EVC2: variants seen among roughly 807,000 people sequenced by gnomAD.
EVC2 encodes limbin.
In EVC2, 148 loss-of-function variants were observed where a neutral mutation model predicts 149.3. That is an observed-to-expected ratio of 0.99 (90% confidence interval 0.87 to 1.14). EVC2 has a LOEUF of 1.14. EVC2 is among the 50% of genes most tolerant of loss of function. EVC2 has a pLI of 0.00. For missense variants in EVC2, 1,854 were observed against 1,627.3 expected, an observed-to-expected ratio of 1.14 and a Z score of -2.40; for synonymous variants, 776 against 649.9, an observed-to-expected ratio of 1.19 and a Z score of -2.95.
At chr4:5,623,347 AT>A (rs903870064) in intron 13 of EVC2, among the ~76,000 whole-genome samples, 9 of 143,524 alleles carry the variant, frequency 6.3e-5, no homozygotes, top group South Asian at 2.2e-4. Context: ...TATTTTTTTT[AT>A]TTTTTTTTTG....
At chr4:5,539,288 T>G (rs979020230), downstream of EVC2, among the ~76,000 whole-genome samples, 16 of 152,262 alleles carry the variant, frequency 1.1e-4, no homozygotes, top group African/African-American at 3.6e-4. Flanking sequence ...TTTTAAACAT[T>G]TAAGTAAATG....
chr4:5,586,019 A>G (rs911926856), intron 16 of EVC2, among the ~76,000 whole-genome samples: 1 of 151,742 alleles, frequency 6.6e-6, no homozygotes, highest in African/African-American at 2.4e-5. Context: ...GCACCACCAC[A>G]CCCAGCTAAT....
chr4:5,640,417 A>G lies in EVC2; in HGVS notation c.1470+97T>C, dbSNP rs1444345898. Reference sequence around the variant, plus strand: ...GGTTGGATGGATGATGGGTAGACGGATGGAGGAGGCAAATGGACAGATGAG... The same window carrying G: ...GGTTGGATGGATGATGGGTAGACGGGTGGAGGAGGCAAATGGACAGATGAG... On this transcript the variant is annotated intron_variant, in intron 10 of 21. Coordinates refer to ENST00000344408, the MANE Select transcript of EVC2 (RefSeq NM_147127.5). The surrounding 1 kb of genome is among the most constrained non-coding windows in gnomAD (Gnocchi z 4.6). 101 of 1,420,242 alleles carry G rather than the reference A, an allele frequency of 7.1e-5. No individual in the cohort carries two copies. The East Asian group carries it at 2.3e-3, about 32-fold the overall frequency. 88.0% of individuals were successfully genotyped at this position (1,420,242 alleles called of 1,614,324 possible). A position where few individuals can be genotyped will look rare whatever the true frequency, so the allele number is the denominator to read the frequency against.
intron 17 of EVC2, among the ~76,000 whole-genome samples, chr4:5,577,382 A>T (rs1722996185): frequency 6.6e-6 from 1 of 152,172 alleles, no homozygotes; most frequent in African/African-American, 2.4e-5. Flanking sequence ...GGGCGGAGGC[A>T]GGAGGGCCCC....
At chr4:5,601,641 G>T (rs2108811444) in intron 16 of EVC2, among the ~76,000 whole-genome samples, 1 of 152,248 alleles carries the variant, frequency 6.6e-6, no homozygotes, top group African/African-American at 2.4e-5. Flanking sequence ...CAGACTTCTA[G>T]ATTGGTCAAA....
intron 17 of EVC2, 47 bp downstream of exon 17, chr4:5,584,575 AG>A: frequency 6.4e-7 from 1 of 1,572,044 alleles, no homozygotes; most frequent in Non-Finnish European, 8.7e-7. Flanking sequence ...GGTAGGTACC[AG>A]AAAGACCCAG....
exon 23 of EVC2, chr4:5,542,866 A>G (rs1255231978): frequency 3.2e-6 from 1 of 309,344 alleles, no homozygotes; most frequent in African/African-American, 2.2e-5. Context: ...GCTCATAGGA[A>G]CAACAGCAGC....
chr4:5,547,792 G>A (rs1236215111), intron 21 of EVC2, among the ~76,000 whole-genome samples: 1 of 152,176 alleles, frequency 6.6e-6, no homozygotes, highest in African/African-American at 2.4e-5. Flanking sequence ...CACAAACAGG[G>A]CTGAAACATA....
intron 17 of EVC2, among the ~76,000 whole-genome samples, chr4:5,578,457 G>A (rs1231462753): frequency 2.6e-5 from 4 of 152,154 alleles, no homozygotes; most frequent in Admixed American, 1.3e-4. Flanking sequence ...TATGTATAAG[G>A]TAACTGAGGC....
At position 5,706,166 on chromosome 4, in the gene EVC2, T is replaced by C. The variant is rs560487343; in HGVS notation, c.228+2120A>G. Among the ~76,000 whole-genome samples the C allele has an allele frequency of 1.6e-4, 25 of 151,994 alleles. 1 individual carries two copies. The East Asian group carries it at 4.9e-3, about 30-fold the overall frequency. The stretch of plus-strand genomic sequence containing the variant: ...GTCTTGACTGACCTTCCAGACTAAA[T>C]GACCTCCTTCCTCCACCCTCTCTCA... On this transcript the variant is annotated intron_variant, in intron 1 of 21. Coordinates refer to ENST00000344408, the MANE Select transcript of EVC2 (RefSeq NM_147127.5).
At chr4:5,627,154 C>A (rs1307035461) in intron 12 of EVC2, among the ~76,000 whole-genome samples, 1 of 152,324 alleles carries the variant, frequency 6.6e-6, no homozygotes, top group African/African-American at 2.4e-5. Context: ...AGACTGCCTG[C>A]ATCCCTGGGC....
intron 16 of EVC2, among the ~76,000 whole-genome samples, chr4:5,594,462 G>T (rs1382849386): frequency 6.6e-6 from 1 of 152,192 alleles, no homozygotes; most frequent in African/African-American, 2.4e-5. Flanking sequence ...CAGGTAAACA[G>T]CGTCTGGAGT....
At chr4:5,675,676 G>A (rs1156295707) in intron 7 of EVC2, among the ~76,000 whole-genome samples, 1 of 152,106 alleles carries the variant, frequency 6.6e-6, no homozygotes, top group Non-Finnish European at 1.5e-5. Flanking sequence ...TGGGTGCGGT[G>A]GCTCATGCCT....
chr4:5,608,236 T>C (rs1714551163), intron 16 of EVC2, among the ~76,000 whole-genome samples: 1 of 152,138 alleles, frequency 6.6e-6, no homozygotes, highest in South Asian at 2.1e-4. Context: ...ACCCAGCAGG[T>C]ACTCCCAGTC....
chr4:5,580,798 A>ATATGGTTTGG (rs57212531), intron 17 of EVC2, among the ~76,000 whole-genome samples: 151,896 of 152,260 alleles, frequency 1, 75,766 homozygotes, highest in Middle Eastern at 1. Context: ...TTAAAGACTG[A>ATATGGTTTGG]ATTTGTCATG....
chr4:5,595,910 G>C (rs1197072175), intron 16 of EVC2, among the ~76,000 whole-genome samples: 1 of 152,140 alleles, frequency 6.6e-6, no homozygotes, highest in East Asian at 1.9e-4. Flanking sequence ...AAAGGCAGGG[G>C]TTGCAATCCT....
chr4:5,618,391 A>C lies in EVC2; in HGVS notation c.2706+87T>G. ...GGGGAGCATGAGGTGAGATGGGCTCAGGCTGGGGAAGAGGCCAGACCCTGT... is the reference window on the plus strand; with the variant it reads ...GGGGAGCATGAGGTGAGATGGGCTCCGGCTGGGGAAGAGGCCAGACCCTGT... On this transcript the variant is annotated intron_variant, in intron 15 of 21. Transcript: ENST00000344408. This position sits in a 1 kb window ranked among gnomAD's most constrained non-coding sequence, Gnocchi z 4.4. 6.7e-7 allele frequency: 1 copy of C among 1,483,590 alleles called. No homozygotes were observed. 91.9% of individuals were successfully genotyped at this position (1,483,590 alleles called of 1,614,324 possible). A position where few individuals can be genotyped will look rare whatever the true frequency, so the allele number is the denominator to read the frequency against.
downstream of EVC2, among the ~76,000 whole-genome samples, chr4:5,560,031 C>T (rs565651051): frequency 6.6e-5 from 10 of 152,108 alleles, no homozygotes; most frequent in East Asian, 7.7e-4. The surrounding 1 kb of genome is among the most constrained non-coding windows in gnomAD (Gnocchi z 4.1). Flanking sequence ...GCAGGATTTT[C>T]GTATGTGCGT....
downstream of EVC2, among the ~76,000 whole-genome samples, chr4:5,539,133 A>G (rs1160437002): frequency 3.9e-5 from 6 of 152,174 alleles, no homozygotes; most frequent in African/African-American, 1.4e-4. Flanking sequence ...ACAAAAATCA[A>G]TTGGATTTCT....
Sources: gnomAD v4.1 joint callset for allele counts (sites outside exome capture counted in the v4.1 genomes callset) on GRCh38, gnomAD v4.1.1 for gene constraint, Gnocchi (gnomAD v3.1) non-coding constraint, MANE v1.5 for transcripts, NCBI Gene and HGNC (gene_info 2026-07-23, HGNC 2026-07-21) for gene names.